The following AFG2A variants were observed in gnomAD, a reference collection of about 807,000 sequenced individuals.
The protein encoded by AFG2A is AAA ATPase AFG2A, also known as ATPase family gene 2 protein homolog A.
the AFG2A span, among the ~76,000 whole-genome samples, chr4:123,019,366 A>ATGTT: frequency 1.9e-4 from 29 of 152,324 alleles, no homozygotes; most frequent in African/African-American, 6.5e-4. Context: ...TCAGAATGTA[A>ATGTT]AATTGTGAAT....
At chr4:123,101,175 C>T in the AFG2A span, among the ~76,000 whole-genome samples, 1 of 151,792 alleles carries the variant, frequency 6.6e-6, no homozygotes, top group Non-Finnish European at 1.5e-5. Flanking sequence ...TCAAGATCCC[C>T]AATCTAGGTG....
At chr4:123,138,626 T>C in the AFG2A span, among the ~76,000 whole-genome samples, 1 of 152,188 alleles carries the variant, frequency 6.6e-6, no homozygotes, top group Admixed American at 6.5e-5. Flanking sequence ...AAAATACTAC[T>C]GCAAGTTGTG....
the AFG2A span, among the ~76,000 whole-genome samples, chr4:123,034,700 A>G: frequency 6.6e-6 from 1 of 152,176 alleles, no homozygotes; most frequent in Non-Finnish European, 1.5e-5. Flanking sequence ...TGAGATAGTA[A>G]TAATAAGGGC....
the AFG2A span, among the ~76,000 whole-genome samples, chr4:123,242,553 A>G: frequency 6.6e-6 from 1 of 152,232 alleles, no homozygotes; most frequent in African/African-American, 2.4e-5. Flanking sequence ...CATATGCAGA[A>G]AGCTGAAACT....
At chr4:122,924,872 T>G in the AFG2A span, among the ~76,000 whole-genome samples, 1 of 152,174 alleles carries the variant, frequency 6.6e-6, no homozygotes, top group African/African-American at 2.4e-5. Context: ...AGGAAAAATT[T>G]TTATTAAACA....
the AFG2A span, among the ~76,000 whole-genome samples, chr4:123,046,859 TA>T: frequency 6.6e-6 from 1 of 152,208 alleles, no homozygotes; most frequent in Non-Finnish European, 1.5e-5. Context: ...TCCACATTTT[TA>T]GCTTGCACAT....
At chr4:123,226,125 G>A in the AFG2A span, among the ~76,000 whole-genome samples, 1 of 152,172 alleles carries the variant, frequency 6.6e-6, no homozygotes, top group East Asian at 1.9e-4. Flanking sequence ...AGACGAAGGG[G>A]TTTTCTAGAT....
At chr4:123,176,736 A>G in the AFG2A span, among the ~76,000 whole-genome samples, 1 of 152,174 alleles carries the variant, frequency 6.6e-6, no homozygotes, top group African/African-American at 2.4e-5. Flanking sequence ...TTCAGCAGCT[A>G]AAGTCTTAAA....
At chr4:123,123,570 G>T in the AFG2A span, among the ~76,000 whole-genome samples, 1 of 152,040 alleles carries the variant, frequency 6.6e-6, no homozygotes, top group Admixed American at 6.6e-5. Context: ...TGCAATAAAA[G>T]TATCATCACT....
the AFG2A span, among the ~76,000 whole-genome samples, chr4:123,211,179 A>G: frequency 6.6e-6 from 1 of 152,174 alleles, no homozygotes; most frequent in Non-Finnish European, 1.5e-5. Flanking sequence ...TAGTATCTTC[A>G]TTTCCTAGTC....
At chr4:123,137,131 G>A in the AFG2A span, among the ~76,000 whole-genome samples, 1 of 152,158 alleles carries the variant, frequency 6.6e-6, no homozygotes, top group Non-Finnish European at 1.5e-5. Context: ...GGCTGATCAG[G>A]CAGTAATGCT....
the AFG2A span, among the ~76,000 whole-genome samples, chr4:122,932,380 A>G: frequency 2.0e-5 from 3 of 151,952 alleles, no homozygotes; most frequent in African/African-American, 4.8e-5. Flanking sequence ...TTTTGTAGAG[A>G]TGAATTTTTG....
chr4:123,172,133 G>A, the AFG2A span, among the ~76,000 whole-genome samples: 1 of 152,056 alleles, frequency 6.6e-6, no homozygotes, highest in Admixed American at 6.6e-5. Flanking sequence ...ATACTTCTTG[G>A]AATATTTGGT....
the AFG2A span, among the ~76,000 whole-genome samples, chr4:122,985,961 G>T: frequency 1.3e-5 from 2 of 151,552 alleles, no homozygotes; most frequent in African/African-American, 4.9e-5. Flanking sequence ...CAGAGGTTTT[G>T]ATAGACTGTA....
the AFG2A span, chr4:123,028,103 T>C: frequency 8.8e-7 from 1 of 1,137,580 alleles, no homozygotes; most frequent in Non-Finnish European, 1.3e-6. Context: ...GCAGTTCTTC[T>C]GTTAATGATA....
At chr4:123,016,910 C>T in the AFG2A span, among the ~76,000 whole-genome samples, 29 of 152,280 alleles carry the variant, frequency 1.9e-4, 1 homozygote, top group Middle Eastern at 6.8e-3. Context: ...ACTCGCAGTT[C>T]GGAGCTGGAG....
At chr4:123,216,646 T>C in the AFG2A span, among the ~76,000 whole-genome samples, 1 of 148,412 alleles carries the variant, frequency 6.7e-6, no homozygotes, top group Non-Finnish European at 1.5e-5. Flanking sequence ...AACAGAGCCA[T>C]CACGTTTATT....
chr4:123,215,421 A>G, the AFG2A span, among the ~76,000 whole-genome samples: 1 of 152,140 alleles, frequency 6.6e-6, no homozygotes, highest in Non-Finnish European at 1.5e-5. Flanking sequence ...TTTGTAGAAT[A>G]AAGTTTAATC....
At chr4:122,999,376 C>T in the AFG2A span, among the ~76,000 whole-genome samples, 10 of 152,036 alleles carry the variant, frequency 6.6e-5, no homozygotes, top group African/African-American at 2.4e-4. Flanking sequence ...GACATGAAGT[C>T]CTTGCCCATG....
Sources: gnomAD v4.1 joint callset for allele counts (sites outside exome capture counted in the v4.1 genomes callset) on GRCh38, gnomAD v4.1.1 for gene constraint, MANE v1.5 for transcripts, NCBI Gene and HGNC (gene_info 2026-07-23, HGNC 2026-07-21) for gene names.